Variants in RPS6KC1 observed in about 807,000 individuals in gnomAD.
The protein encoded by RPS6KC1 is ribosomal protein S6 kinase C1.
RPS6KC1 carries 54 observed loss-of-function variants against 103.8 expected under a neutral mutation model. The ratio of observed to expected loss-of-function variants is 0.52; its 90% CI spans 0.42 to 0.65. The LOEUF (loss-of-function observed/expected upper bound fraction) is 0.65, where lower values mean the gene tolerates loss of function less well. Among genes scored for constraint, RPS6KC1 ranks in the 30% least tolerant of loss-of-function variants. The pLI is 0.00. For synonymous variants in RPS6KC1, 439 were observed against 438.7 expected (o/e 1.00, Z -0.01); for missense variants, 1,151 against 1,253.8 (o/e 0.92, Z 1.24).
the RPS6KC1 span, among the ~76,000 whole-genome samples, chr1:213,400,737 C>T: frequency 2.6e-5 from 4 of 150,948 alleles, no homozygotes; most frequent in Non-Finnish European, 2.9e-5. Flanking sequence ...GACAGAGTCT[C>T]GCTCTGTCAC....
At chr1:213,284,567 A>G in the RPS6KC1 span, among the ~76,000 whole-genome samples, 2 of 152,186 alleles carry the variant, frequency 1.3e-5, no homozygotes, top group Non-Finnish European at 2.9e-5. Context: ...CAACAGAAAT[A>G]TAAGTTGAAA....
the RPS6KC1 span, among the ~76,000 whole-genome samples, chr1:213,507,830 A>C: frequency 5.0e-4 from 76 of 152,350 alleles, no homozygotes; most frequent in African/African-American, 1.7e-3. Flanking sequence ...ACTGCACAGA[A>C]GTGCAGCATT....
At chr1:213,733,601 A>G in the RPS6KC1 span, among the ~76,000 whole-genome samples, 39 of 150,104 alleles carry the variant, frequency 2.6e-4, no homozygotes, top group South Asian at 2.1e-4. Context: ...CTAATTGAAG[A>G]AATGAAAATA....
At chr1:213,635,139 C>T in the RPS6KC1 span, among the ~76,000 whole-genome samples, 1 of 152,048 alleles carries the variant, frequency 6.6e-6, no homozygotes, top group Admixed American at 6.6e-5. Context: ...AAGAGCCTAC[C>T]AACCAAAAAA....
intron 1 of RPS6KC1, among the ~76,000 whole-genome samples, chr1:213,070,498 A>T (rs2078767919): frequency 6.6e-6 from 1 of 152,216 alleles, no homozygotes; most frequent in East Asian, 1.9e-4. Flanking sequence ...TGATTCACAA[A>T]TTGGTCAGCC....
the RPS6KC1 span, among the ~76,000 whole-genome samples, chr1:213,460,207 G>A: frequency 0.015 from 2,336 of 152,076 alleles, 58 homozygotes; most frequent in African/African-American, 0.052. Flanking sequence ...TTATTGTGTG[G>A]GAGTCAGTCT....
the RPS6KC1 span, among the ~76,000 whole-genome samples, chr1:213,523,067 A>G: frequency 6.6e-6 from 1 of 152,178 alleles, no homozygotes; most frequent in East Asian, 1.9e-4. Context: ...GAGATACACA[A>G]TTTTTCCTTT....
At chr1:213,812,240 AGAAG>A in the RPS6KC1 span, among the ~76,000 whole-genome samples, 2 of 152,172 alleles carry the variant, frequency 1.3e-5, no homozygotes, top group Non-Finnish European at 2.9e-5. Flanking sequence ...AAGGAAGGAA[AGAAG>A]GAAGGAAGAA....
chr1:213,121,849 T>C (rs1326291192), intron 5 of RPS6KC1, among the ~76,000 whole-genome samples: 2 of 152,152 alleles, frequency 1.3e-5, no homozygotes, highest in Non-Finnish European at 2.9e-5. Context: ...AATTGAATGA[T>C]CAGCTTATTG....
chr1:213,144,847 C>A (rs2087539186), intron 6 of RPS6KC1, among the ~76,000 whole-genome samples: 1 of 152,006 alleles, frequency 6.6e-6, no homozygotes, highest in Non-Finnish European at 1.5e-5. Flanking sequence ...GAGGCTGAGG[C>A]AGGCGGATCA....
the RPS6KC1 span, among the ~76,000 whole-genome samples, chr1:213,690,804 A>G: frequency 1.3e-5 from 2 of 152,312 alleles, no homozygotes; most frequent in African/African-American, 2.4e-5. Context: ...AAATAATGCA[A>G]TTGAAACACT....
intron 8 of RPS6KC1, among the ~76,000 whole-genome samples, chr1:213,224,403 A>G (rs2093911733): frequency 6.6e-6 from 1 of 152,178 alleles, no homozygotes; most frequent in Non-Finnish European, 1.5e-5. Flanking sequence ...CAGTTATTTC[A>G]TGTATTAGTA....
the RPS6KC1 span, among the ~76,000 whole-genome samples, chr1:213,530,483 G>A: frequency 1.3e-5 from 2 of 152,198 alleles, no homozygotes; most frequent in African/African-American, 4.8e-5. Flanking sequence ...AATTCAATGG[G>A]CCTCCACTGA....
chr1:213,367,287 A>G, the RPS6KC1 span, among the ~76,000 whole-genome samples: 5 of 152,196 alleles, frequency 3.3e-5, no homozygotes, highest in Non-Finnish European at 5.9e-5. Flanking sequence ...GTTGATGTTG[A>G]CTGAGACTTT....
At chr1:213,624,958 C>G in the RPS6KC1 span, among the ~76,000 whole-genome samples, 576 of 152,166 alleles carry the variant, frequency 3.8e-3, 4 homozygotes, top group African/African-American at 0.013. Flanking sequence ...CATGTTCCCT[C>G]TTAAAAGTTA....
chr1:213,784,826 T>C, the RPS6KC1 span, among the ~76,000 whole-genome samples: 4 of 152,330 alleles, frequency 2.6e-5, no homozygotes, highest in Non-Finnish European at 4.4e-5. Context: ...CTTCCCCCCA[T>C]TAAGTGAGTA....
the RPS6KC1 span, among the ~76,000 whole-genome samples, chr1:213,532,557 C>T: frequency 2.6e-5 from 4 of 152,148 alleles, no homozygotes; most frequent in Non-Finnish European, 4.4e-5. Context: ...TACTAAGAAC[C>T]GTCTTCCTCC....
chr1:213,808,975 C>G, the RPS6KC1 span, among the ~76,000 whole-genome samples: 1 of 152,238 alleles, frequency 6.6e-6, no homozygotes, highest in Non-Finnish European at 1.5e-5. Flanking sequence ...TGGAGTAGCA[C>G]TTTTAATTTC....
At chr1:213,056,771 T>C (rs1019451079) in intron 1 of RPS6KC1, among the ~76,000 whole-genome samples, 5 of 152,156 alleles carry the variant, frequency 3.3e-5, no homozygotes, top group Non-Finnish European at 7.4e-5. Flanking sequence ...TAGATGCTAT[T>C]TTCTCTGTCT....
Sources: allele counts gnomAD v4.1 joint callset (sites outside exome capture counted in the v4.1 genomes callset), GRCh38; gene constraint gnomAD v4.1.1; transcripts MANE v1.5; gene names NCBI Gene and HGNC (gene_info 2026-07-23, HGNC 2026-07-21).